Variants in SLCO2A1 observed in about 807,000 individuals in gnomAD.
The protein encoded by SLCO2A1 is solute carrier organic anion transporter family member 2A1.
In SLCO2A1, 60 loss-of-function variants were observed where a neutral mutation model predicts 71.7. The ratio of observed to expected loss-of-function variants is 0.84; its 90% CI spans 0.68 to 1.04. SLCO2A1 has a LOEUF of 1.04. Among genes scored for constraint, SLCO2A1 ranks in the 50% least tolerant of loss-of-function variants. The pLI, the probability that SLCO2A1 is intolerant of heterozygous loss-of-function variation, is 0.00. For missense variants in SLCO2A1, 745 were observed against 813.4 expected (o/e 0.92, Z 1.02); for synonymous variants, 308 against 326.7 (o/e 0.94, Z 0.62).
Position 133,935,865 on chromosome 3 carries a change from T to C in SLCO2A1, c.1723A>G (p.Thr575Ala). ...CACCGGATGCAGGAGTGGTCAATGG[T>C]GAGGCCATAGAGGGCTGGAGATGGC... ...WLPSPALYGL[T>A]IDHSCIRWNS... is the part of the protein sequence containing the mutation. Residue 575 changes from threonine (T) to alanine (A), a missense_variant, in exon 13 of 14, where the codon ACC becomes GCC. Thr to Ala is a moderately conservative substitution (Grantham distance 58). Coordinates refer to ENST00000310926, the MANE Select transcript of SLCO2A1 (RefSeq NM_005630.3). The C allele has an allele frequency of 6.2e-7, 1 of 1,608,694 alleles. No homozygotes were observed.
Position 133,947,420 on chromosome 3 carries a change from G to C in SLCO2A1, c.1131C>G (p.Ala377=). The C allele has an allele frequency of 1.2e-6, 2 of 1,613,818 alleles. No individual in the cohort carries two copies. Among genetic ancestry groups the C allele is most frequent in the African/African-American group, 2.7e-5 (2 of 75,014 alleles). Residue 377 remains alanine (A), a synonymous_variant, in exon 9 of 14, where the codon GCC becomes GCG. Transcript: ENST00000310926. ...GGATTCCTCCAAACAGCATCCCCAA[G>C]GCTGCAGCAGGGAGGTTCACAGCAC... ...LIGAVNLPAA[A]LGMLFGGILM...
intron 3 of SLCO2A1, among the ~76,000 whole-genome samples, chr3:133,963,665 G>C (rs1019133067): frequency 6.6e-6 from 1 of 152,224 alleles, no homozygotes; most frequent in African/African-American, 2.4e-5. Flanking sequence ...GAAGAGGTTA[G>C]CAAGCCCCAA....
Position 133,942,351 on chromosome 3 carries a change from A to G in SLCO2A1, c.1625+254T>C, listed in dbSNP as rs1249278999. The G allele has an allele frequency of 1.1e-5, 4 of 379,812 alleles. No homozygotes were observed. The East Asian group carries it at 1.8e-4, about 17-fold the overall frequency. The allele number at this position is 379,812 out of a possible 1,614,324, so 23.5% of individuals were successfully genotyped here. The stretch of plus-strand genomic sequence containing the variant: ...TGGAGGCGCCAACAGGGCCTGTGTC[A>G]CATGGACGCTGTGGGACTGAATGAG... On this transcript the variant is annotated intron_variant, in intron 11 of 13. Transcript: ENST00000310926.
chr3:133,981,461 A>G (rs553804379), intron 1 of SLCO2A1, among the ~76,000 whole-genome samples: 1 of 152,318 alleles, frequency 6.6e-6, no homozygotes, highest in African/African-American at 2.4e-5. Flanking sequence ...CTTTGATTCA[A>G]AATCACATGG....
intron 1 of SLCO2A1, among the ~76,000 whole-genome samples, chr3:134,011,756 C>G (rs1012367931): frequency 6.6e-6 from 1 of 152,238 alleles, no homozygotes; most frequent in African/African-American, 2.4e-5. Flanking sequence ...CAGTGAGCCC[C>G]TTTTCTACTT....
intron 1 of SLCO2A1, among the ~76,000 whole-genome samples, chr3:133,988,264 G>T (rs1248602857): frequency 6.6e-6 from 1 of 152,144 alleles, no homozygotes; most frequent in Non-Finnish European, 1.5e-5. Context: ...CTACTTGAAG[G>T]CTTCCTCTGC....
chr3:134,018,382 G>C (rs1030683229), intron 1 of SLCO2A1, among the ~76,000 whole-genome samples: 1 of 152,214 alleles, frequency 6.6e-6, no homozygotes, highest in South Asian at 2.1e-4. Context: ...GCAAGCCCAA[G>C]ATGCCTCCCC....
chr3:133,949,273 G>T, intron 6 of SLCO2A1: 1 of 356,836 alleles, frequency 2.8e-6, no homozygotes, highest in Non-Finnish European at 5.3e-6. Flanking sequence ...GTGTCTTCCT[G>T]GACCCCACCC....
At chr3:133,969,203 G>A (rs1306806276) in intron 3 of SLCO2A1, among the ~76,000 whole-genome samples, 1 of 152,172 alleles carries the variant, frequency 6.6e-6, no homozygotes, top group Non-Finnish European at 1.5e-5. Flanking sequence ...AGGCCGAGGT[G>A]GGTGGATCAC....
At chr3:134,001,490 G>A (rs1935102787) in intron 1 of SLCO2A1, among the ~76,000 whole-genome samples, 2 of 152,268 alleles carry the variant, frequency 1.3e-5, no homozygotes, top group African/African-American at 4.8e-5. Flanking sequence ...CAGAGGGCTG[G>A]CTGCTCCTTC....
chr3:133,935,708 A>T (rs1018231010), intron 13 of SLCO2A1, 66 bp downstream of exon 13: 52 of 1,465,260 alleles, frequency 3.5e-5, no homozygotes, highest in Non-Finnish European at 4.7e-5. Context: ...GCCACTGGGC[A>T]TATGACTACT....
chr3:133,967,878 T>C (rs1325539508), intron 3 of SLCO2A1, among the ~76,000 whole-genome samples: 1 of 26,014 alleles, frequency 3.8e-5, no homozygotes, highest in African/African-American at 1.6e-4. Context: ...CCACCCCACC[T>C]CCACACCCCC....
intron 10 of SLCO2A1, among the ~76,000 whole-genome samples, chr3:133,943,835 G>A (rs1047485465): frequency 6.6e-6 from 1 of 152,234 alleles, no homozygotes; most frequent in African/African-American, 2.4e-5. Flanking sequence ...CGCAGAGGTG[G>A]CAGTGGCAGC....
At chr3:133,981,905 G>A (rs568731805) in intron 1 of SLCO2A1, among the ~76,000 whole-genome samples, 1 of 151,258 alleles carries the variant, frequency 6.6e-6, no homozygotes, top group African/African-American at 2.4e-5. Flanking sequence ...AACCTGGGAG[G>A]TGGAGGTTGC....
At chr3:133,996,841 A>G (rs1934976606) in intron 1 of SLCO2A1, among the ~76,000 whole-genome samples, 2 of 152,196 alleles carry the variant, frequency 1.3e-5, no homozygotes, top group Admixed American at 1.3e-4. Context: ...TCCACATGGG[A>G]AAAAAGCACA....
At chr3:133,979,653 G>A (rs781252345) in intron 1 of SLCO2A1, 35 bp from the exon 2 acceptor site, 3 of 1,570,654 alleles carry the variant, frequency 1.9e-6, no homozygotes, top group African/African-American at 2.7e-5. Flanking sequence ...GAGGTTTCTG[G>A]ACGACAAGCC....
rs1935767259 is a variant in SLCO2A1 at position 134,029,249 on chromosome 3, A to T, written c.96+458T>A. On this transcript the variant is annotated intron_variant, in intron 1 of 13. Transcript: ENST00000310926. Reference sequence around the variant, plus strand: ...ACCCCAGGACGAGGGGGCTCGGACGAGACACAGTCTGTCCCCCAAAGCGCG... The same window carrying T: ...ACCCCAGGACGAGGGGGCTCGGACGTGACACAGTCTGTCCCCCAAAGCGCG... Among the ~76,000 whole-genome samples the T allele has an allele frequency of 2.0e-5, 3 of 152,292 alleles. No individual in the cohort carries two copies. In the South Asian group the frequency reaches 6.2e-4, roughly 32 times the overall value.
intron 3 of SLCO2A1, among the ~76,000 whole-genome samples, chr3:133,967,443 C>T (rs553353124): frequency 1.3e-5 from 2 of 152,204 alleles, no homozygotes; most frequent in Non-Finnish European, 2.9e-5. Flanking sequence ...CGCTCCTTCC[C>T]GGGCCTTCTC....
intron 1 of SLCO2A1, among the ~76,000 whole-genome samples, chr3:134,009,231 TCA>T (rs1346839606): frequency 3.3e-5 from 5 of 152,230 alleles, no homozygotes; most frequent in African/African-American, 1.2e-4. Flanking sequence ...TTTATAGGTT[TCA>T]CACACAGTAT....
Sources: gnomAD v4.1 joint callset for allele counts (sites outside exome capture counted in the v4.1 genomes callset) on GRCh38, gnomAD v4.1.1 for gene constraint, MANE v1.5 for transcripts, NCBI Gene and HGNC (gene_info 2026-07-23, HGNC 2026-07-21) for gene names.